The following GALNT18 variants were observed in gnomAD, a reference collection of about 807,000 sequenced individuals.
The protein encoded by GALNT18 is polypeptide N-acetylgalactosaminyltransferase 18, also known as GalNAc-transferase 18.
In GALNT18, 44 loss-of-function variants were observed where a neutral mutation model predicts 69.5. That is an observed-to-expected ratio of 0.63 (90% CI 0.50 to 0.81). The LOEUF (loss-of-function observed/expected upper bound fraction) is 0.81, where lower values mean the gene tolerates loss of function less well. GALNT18 is among the 40% of genes least tolerant of loss of function. GALNT18 has a pLI of 0.00. For synonymous variants in GALNT18, 364 were observed against 318.2 expected, an observed-to-expected ratio of 1.14 and a Z score of -1.53; for missense variants, 715 against 810.0, an observed-to-expected ratio of 0.88 and a Z score of 1.42.
chr11:11,372,750 T>C lies in GALNT18; in HGVS notation c.978-121A>G. 1.3e-6 allele frequency: 1 copy of C among 790,996 alleles called. No individual in the cohort carries two copies. The highest frequency in any genetic ancestry group is 2.1e-5 in the Admixed American group (1 of 48,396). 49.0% of individuals were successfully genotyped at this position (790,996 alleles called of 1,614,324 possible). On this transcript the variant is annotated intron_variant, in intron 5 of 10. Coordinates refer to ENST00000227756, the MANE Select transcript of GALNT18 (RefSeq NM_198516.3). The surrounding 1 kb of genome is among the most constrained non-coding windows in gnomAD (Gnocchi z 4.9). ...CCTTCCTTTGCTGCCAGAGCCAGTGTGAGCCTTGTTCTTGGAGTGGCCCCT... is the reference window on the plus strand; with the variant it reads ...CCTTCCTTTGCTGCCAGAGCCAGTGCGAGCCTTGTTCTTGGAGTGGCCCCT...
At chr11:11,502,084 AACAC>A (rs1257925342) in intron 1 of GALNT18, among the ~76,000 whole-genome samples, 1 of 152,174 alleles carries the variant, frequency 6.6e-6, no homozygotes, top group African/African-American at 2.4e-5. Context: ...AGTCTGCAAG[AACAC>A]ACCCACAGTG....
chr11:11,387,996 T>C lies in GALNT18; in HGVS notation c.596-8732A>G, dbSNP rs972718037. ...CAGCTGCACTTCTGTCCAGCTCATG[T>C]AATAGCTGCACTTCTTCAAAGTCGA... is the stretch of plus-strand genomic sequence containing the variant. On this transcript the variant is annotated intron_variant, in intron 3 of 10. Transcript: ENST00000227756. This position sits in a 1 kb window ranked among gnomAD's most constrained non-coding sequence, Gnocchi z 4.6. 3.9e-5 allele frequency among the ~76,000 whole-genome samples: 6 copies of C among 152,254 alleles called. No homozygotes were observed. The highest frequency in any genetic ancestry group is 1.4e-4 in the African/African-American group (6 of 41,468).
intron 3 of GALNT18, among the ~76,000 whole-genome samples, chr11:11,384,890 T>C (rs1639088777): frequency 6.6e-6 from 1 of 152,212 alleles, no homozygotes; most frequent in South Asian, 2.1e-4. Context: ...AAAAGGCGTG[T>C]GGTAGAAGAG....
intron 1 of GALNT18, among the ~76,000 whole-genome samples, chr11:11,471,550 C>G (rs1469653208): frequency 6.6e-6 from 1 of 152,128 alleles, no homozygotes; most frequent in Non-Finnish European, 1.5e-5. Flanking sequence ...CAATGCTTCC[C>G]CCTTTCCTTG....
At chr11:11,380,565 C>T (rs922032449) in intron 3 of GALNT18, among the ~76,000 whole-genome samples, 1 of 152,198 alleles carries the variant, frequency 6.6e-6, no homozygotes, top group African/African-American at 2.4e-5. Flanking sequence ...GTCACAACAA[C>T]TTTGATTGCT....
intron 3 of GALNT18, among the ~76,000 whole-genome samples, chr11:11,408,751 T>C (rs1181700718): frequency 6.6e-6 from 1 of 152,110 alleles, no homozygotes; most frequent in African/African-American, 2.4e-5. Flanking sequence ...CCAAGTCAGT[T>C]TCCATGGCGT....
intron 9 of GALNT18, among the ~76,000 whole-genome samples, chr11:11,310,999 C>T (rs1040889056): frequency 1.8e-4 from 28 of 152,224 alleles, no homozygotes; most frequent in Non-Finnish European, 3.7e-4. Context: ...TTTATTTACT[C>T]TCCCGTCTCA....
chr11:11,358,852 C>CAA (rs1256162201), intron 6 of GALNT18, among the ~76,000 whole-genome samples: 6 of 130,170 alleles, frequency 4.6e-5, no homozygotes, highest in African/African-American at 1.8e-4. Context: ...CACACACACA[C>CAA]ACACACACAC....
rs548234595 is a variant in GALNT18, at chr11:11,338,651, G to A, written c.1278+2168C>T. Among the ~76,000 whole-genome samples the A allele has an allele frequency of 1.9e-4, 29 of 152,334 alleles. No individual in the cohort carries two copies. The highest frequency in any genetic ancestry group is 7.0e-4 in the African/African-American group (29 of 41,586). On this transcript the variant is annotated intron_variant, in intron 7 of 10. Transcript: ENST00000227756. This position sits in a 1 kb window ranked among gnomAD's most constrained non-coding sequence, Gnocchi z 5.3. ...CCTGTGGGAATGGCCAAGAGGAGAT[G>A]TCCAGCTGGCAGTTGGAGATGTGAG...
intron 2 of GALNT18, among the ~76,000 whole-genome samples, chr11:11,441,083 T>C (rs1855523249): frequency 6.6e-6 from 1 of 152,184 alleles, no homozygotes; most frequent in Admixed American, 6.5e-5. Context: ...CAACATCTCT[T>C]AAAACCCAAT....
At chr11:11,490,225 T>TAACACA (rs1320766978) in intron 1 of GALNT18, among the ~76,000 whole-genome samples, 5 of 77,052 alleles carry the variant, frequency 6.5e-5, no homozygotes, top group African/African-American at 2.6e-4. Context: ...TCTCTCTCTC[T>TAACACA]CTCTCTCTAA....
intron 1 of GALNT18, among the ~76,000 whole-genome samples, chr11:11,482,852 A>G (rs879532571): frequency 1.1e-4 from 17 of 148,328 alleles, no homozygotes; most frequent in Non-Finnish European, 2.2e-4. Flanking sequence ...TGCCTGCTAC[A>G]AAGCTATCCC....
chr11:11,531,066 C>T (rs957441787), intron 1 of GALNT18, among the ~76,000 whole-genome samples: 4 of 152,182 alleles, frequency 2.6e-5, no homozygotes, highest in Admixed American at 6.5e-5. Context: ...AGGCCTTTGC[C>T]GGCTGCCTTC....
intron 1 of GALNT18, among the ~76,000 whole-genome samples, chr11:11,559,186 C>G (rs994150179): frequency 7.9e-5 from 12 of 152,202 alleles, no homozygotes; most frequent in African/African-American, 2.9e-4. Flanking sequence ...TGCTGTTTGC[C>G]TGGCAAACTA....
chr11:11,275,518 C>G (rs1351017153), intron 10 of GALNT18, among the ~76,000 whole-genome samples: 1 of 152,208 alleles, frequency 6.6e-6, no homozygotes, highest in African/African-American at 2.4e-5. Context: ...TCTTGCTGTG[C>G]AGAAGCTCTT....
intron 9 of GALNT18, among the ~76,000 whole-genome samples, chr11:11,294,609 G>A (rs1165507179): frequency 4.2e-5 from 6 of 142,532 alleles, no homozygotes; most frequent in Admixed American, 7.0e-5. Flanking sequence ...ACACATCCCA[G>A]AAAAAAAAAA....
At chr11:11,593,711 T>A (rs1368696984) in intron 1 of GALNT18, among the ~76,000 whole-genome samples, 1 of 152,180 alleles carries the variant, frequency 6.6e-6, no homozygotes, top group Non-Finnish European at 1.5e-5. Flanking sequence ...GGAGAATGGC[T>A]TGAGGCCAGG....
rs1290578163 is a variant in GALNT18, at chr11:11,461,256, C to G, written c.236-12320G>C. 6.6e-6 allele frequency among the ~76,000 whole-genome samples: 1 copy of G among 152,110 alleles called. No homozygotes were observed. Among genetic ancestry groups the G allele is most frequent in the East Asian group, 1.9e-4 (1 of 5,192 alleles). On this transcript the variant is annotated intron_variant, in intron 1 of 10. Transcript: ENST00000227756. The surrounding 1 kb of genome is among the most constrained non-coding windows in gnomAD (Gnocchi z 4.1). ...GGCCTGGGTGTGTCTGAGTGTGCGG[C>G]TAGGATGGCTGGTGCAGGTAGGAGC...
intron 3 of GALNT18, among the ~76,000 whole-genome samples, chr11:11,431,793 TTTC>T (rs1183891961): frequency 1.3e-5 from 2 of 152,202 alleles, no homozygotes; most frequent in East Asian, 3.8e-4. Flanking sequence ...AAGCTTAGTG[TTTC>T]TATGATACAG....
Sources: allele counts gnomAD v4.1 joint callset (sites outside exome capture counted in the v4.1 genomes callset), GRCh38; gene constraint gnomAD v4.1.1; non-coding constraint Gnocchi (gnomAD v3.1); transcripts MANE v1.5; gene names NCBI Gene and HGNC (gene_info 2026-07-23, HGNC 2026-07-21).